The following XYLT2 variants were observed in gnomAD, a reference collection of about 807,000 sequenced individuals.
The protein encoded by XYLT2 is xylosyltransferase 2.
Under a neutral mutation model 82.6 loss-of-function variants are expected in XYLT2, and 37 were observed. The ratio of observed to expected loss-of-function variants is 0.45; its 90% CI spans 0.34 to 0.59. XYLT2 has a LOEUF of 0.59. Among genes scored for constraint, XYLT2 ranks in the 20% least tolerant of loss-of-function variants. XYLT2 has a pLI of 0.01. For missense variants in XYLT2, 934 were observed against 1,181.3 expected (o/e 0.79, Z 3.07); for synonymous variants, 474 against 499.0 (o/e 0.95, Z 0.67).
At chr17:50,354,235 C>T (rs1291606899) in intron 2 of XYLT2, 113 bp downstream of exon 2, 25 of 1,536,768 alleles carry the variant, frequency 1.6e-5, no homozygotes, top group Non-Finnish European at 2.2e-5. Flanking sequence ...TCCTACCTCC[C>T]TGCCTAAGTC....
In XYLT2 at chr17:50,358,536, G is replaced by A. The variant is rs1442976050; in HGVS notation, c.2271G>A (p.Arg757=). The A allele has an allele frequency of 6.2e-7, 1 of 1,611,328 alleles. No individual in the cohort carries two copies. Among genetic ancestry groups the A allele is most frequent in the Non-Finnish European group, 8.5e-7 (1 of 1,177,944 alleles). The change falls in exon 10 of 11, where the codon AGG becomes AGA. Residue 757 remains arginine, a synonymous_variant. Coordinates refer to ENST00000017003, the MANE Select transcript of XYLT2 (RefSeq NM_022167.4). ...PLTFNRKLPL[R]KDDASWLHAG... is the part of the protein sequence containing the mutation. ...CCTTCAACCGCAAACTACCTCTCAGGAAAGGTAAGCGTGCAGTTCTCAAAT... is the reference window on the plus strand; with the variant it reads ...CCTTCAACCGCAAACTACCTCTCAGAAAAGGTAAGCGTGCAGTTCTCAAAT...
intron 9 of XYLT2, chr17:50,357,945 G>A: frequency 4.2e-6 from 2 of 477,050 alleles, no homozygotes; most frequent in Non-Finnish European, 7.5e-6. Context: ...GCAGGACTTT[G>A]AACCTCATCC....
chr17:50,359,905 C>G, intron 10 of XYLT2, 64 bp from the exon 11 acceptor site: 1 of 1,423,340 alleles, frequency 7.0e-7, no homozygotes, highest in Non-Finnish European at 9.5e-7. Flanking sequence ...GACCCAACTC[C>G]TGGGTCTGGC....
Position 50,353,901 on chromosome 17 carries a change from C to T in XYLT2, c.407C>T (p.Ala136Val), listed in dbSNP as rs1239373647. 5.0e-6 allele frequency: 8 copies of T among 1,608,610 alleles called. No homozygotes were observed. In the Admixed American group the frequency reaches 5.0e-5, roughly 10 times the overall value. The change falls in exon 2 of 11, where the codon GCT becomes GTT. Residue 136 changes from alanine to valine, a missense_variant. Ala to Val is a moderately conservative substitution (Grantham distance 64). Transcript: ENST00000017003. ...AAAGEALVGA[A>V]GFPPHGDTGS... ...GCTGGGGAGGCGCTGGTAGGGGCAG[C>T]TGGCTTCCCACCACACGGAGATACA...
rs1021537508 is a variant in XYLT2, at chr17:50,360,666, G to A, written c.*375G>A. 2.3e-5 allele frequency: 23 copies of A among 1,005,700 alleles called. No homozygotes were observed. The Admixed American group carries it at 3.5e-4, about 15-fold the overall frequency. The allele number at this position is 1,005,700 out of a possible 1,614,324, so 62.3% of individuals were successfully genotyped here. A position where few individuals can be genotyped will look rare whatever the true frequency, so the allele number is the denominator to read the frequency against. ...TGCAATAGGGCTCAGAGCAGCCCCA[G>A]GAAGTGGGCCATGTCTGTGGGGAGC... On this transcript the variant is annotated 3_prime_UTR_variant, in exon 11 of 11. Transcript: ENST00000017003.
chr17:50,354,960 T>C lies in XYLT2; in HGVS notation c.911T>C (p.Leu304Pro). ...ACCATCTGGGGCGGGGCCAGCCTCC[T>C]GAGGATGTACCTGCGGAGCATGCGG... ...MVTIWGGASL[L>P]RMYLRSMRDL... Residue 304 changes from leucine to proline, a missense_variant, in exon 4 of 11, where the codon CTG becomes CCG. This residue lies in a region of XYLT2 where 189 missense variants were observed against 320.8 expected (regional missense o/e 0.59). Transcript: ENST00000017003. 6.3e-7 allele frequency: 1 copy of C among 1,587,038 alleles called. No homozygotes were observed. The highest frequency in any genetic ancestry group is 8.6e-7 in the Non-Finnish European group (1 of 1,166,398).
intron 9 of XYLT2, 154 bp downstream of exon 9, chr17:50,357,406 C>A (rs1397318150): frequency 1.1e-5 from 8 of 709,442 alleles, no homozygotes; most frequent in Non-Finnish European, 1.8e-5. Flanking sequence ...TGTCACCCCC[C>A]AGCCTGTGCA....
At position 50,354,438 on chromosome 17, in the gene XYLT2, A is replaced by G. The variant is rs746638330; in HGVS notation, c.659A>G (p.Glu220Gly). The G allele has an allele frequency of 3.1e-6, 5 of 1,610,562 alleles. No individual in the cohort carries two copies. The highest frequency in any genetic ancestry group is 2.7e-5 in the African/African-American group (2 of 74,862). Residue 220 changes from glutamate (E) to glycine (G), a missense_variant, in exon 3 of 11, where the codon GAG becomes GGG. By Grantham distance (98) the Glu-to-Gly change is moderately conservative. Transcript: ENST00000017003. ...GKMSPGIQWD[E>G]SQAQQPMDGP... ...ATGAGCCCCGGCATCCAGTGGGATG[A>G]GAGCCAAGCCCAGCAGCCCATGGAT...
In XYLT2 at chr17:50,360,315, G is replaced by T; in HGVS notation, c.*24G>T. ...AGCAGGGCCCCAGCCAGTACCCGTG[G>T]AGGACCCGGGAAATTGCACCTTACA... is the stretch of plus-strand genomic sequence containing the variant. On this transcript the variant is annotated 3_prime_UTR_variant, in exon 11 of 11. Transcript: ENST00000017003. 6.5e-7 allele frequency: 1 copy of T among 1,546,260 alleles called. No individual in the cohort carries two copies.
In XYLT2 at chr17:50,360,316, A is replaced by G. The variant is rs747027423; in HGVS notation, c.*25A>G. ...GCAGGGCCCCAGCCAGTACCCGTGGAGGACCCGGGAAATTGCACCTTACAG... is the reference window on the plus strand; with the variant it reads ...GCAGGGCCCCAGCCAGTACCCGTGGGGGACCCGGGAAATTGCACCTTACAG... On this transcript the variant is annotated 3_prime_UTR_variant, in exon 11 of 11. Transcript: ENST00000017003. 8.4e-6 allele frequency: 13 copies of G among 1,546,322 alleles called. No individual in the cohort carries two copies. In the South Asian group the frequency reaches 1.6e-4, roughly 19 times the overall value.
chr17:50,346,260 G>C lies in XYLT2; in HGVS notation c.120G>C (p.Glu40Asp). 1.7e-6 allele frequency: 2 copies of C among 1,176,798 alleles called. No individual in the cohort carries two copies. Among genetic ancestry groups the C allele is most frequent in the Non-Finnish European group, 2.1e-6 (2 of 933,348 alleles). 72.9% of individuals were successfully genotyped at this position (1,176,798 alleles called of 1,614,324 possible). A position where few individuals can be genotyped will look rare whatever the true frequency, so the allele number is the denominator to read the frequency against. Residue 40 changes from glutamate to aspartate, a missense_variant, in exon 1 of 11, where the codon GAG (glutamate) becomes GAC (aspartate). Physicochemically the swap from Glu to Asp is conservative, Grantham distance 45. This residue lies in a region of XYLT2 where 371 missense variants were observed against 394.9 expected (regional missense o/e 0.94). Coordinates refer to ENST00000017003, the MANE Select transcript of XYLT2 (RefSeq NM_022167.4). This position sits in a 1 kb window ranked among gnomAD's most constrained non-coding sequence, Gnocchi z 5.1. ...LVVWSFSGLE[E>D]DEAGEKGRQR... ...TGTGGAGCTTCAGCGGCCTGGAGGA[G>C]GACGAGGCGGGCGAGGTGCTCCGAC...
intron 1 of XYLT2, among the ~76,000 whole-genome samples, chr17:50,349,110 TG>T: frequency 6.6e-6 from 1 of 152,304 alleles, no homozygotes; most frequent in East Asian, 1.9e-4. Flanking sequence ...TCCCACATCC[TG>T]GCCCCCACCA....
chr17:50,358,693 C>A lies in XYLT2; in HGVS notation c.2275+153C>A, dbSNP rs77470365. 4.5e-3 allele frequency among the ~76,000 whole-genome samples: 691 copies of A among 152,358 alleles called. 4 individuals are homozygous for A. The highest frequency in any genetic ancestry group is 7.3e-3 in the Non-Finnish European group (497 of 68,030). On this transcript the variant is annotated intron_variant, in intron 10 of 10. Transcript: ENST00000017003. ...GGGGCCTTCATCTTCTTTCCTGTAGCATGCAGGGTCCTGCACTGCAGTGTG... is the reference window on the plus strand; with the variant it reads ...GGGGCCTTCATCTTCTTTCCTGTAGAATGCAGGGTCCTGCACTGCAGTGTG...
Position 50,346,988 on chromosome 17 carries a change from G to A in XYLT2, c.135+713G>A, listed in dbSNP as rs1567802835. On this transcript the variant is annotated intron_variant, in intron 1 of 10. Coordinates refer to ENST00000017003, the MANE Select transcript of XYLT2 (RefSeq NM_022167.4). This position sits in a 1 kb window ranked among gnomAD's most constrained non-coding sequence, Gnocchi z 5.1. The stretch of plus-strand genomic sequence containing the variant: ...TAGGGAGGGGCCCTCTGGCTTTAAG[G>A]GAATGGGGACTGTAACAGAGCCCCA... 1.0e-6 allele frequency: 1 copy of A among 963,574 alleles called. No individual in the cohort carries two copies. The highest frequency in any genetic ancestry group is 4.8e-5 in the South Asian group (1 of 20,870). The allele number at this position is 963,574 out of a possible 1,614,324, so 59.7% of individuals were successfully genotyped here. A position where few individuals can be genotyped will look rare whatever the true frequency, so the allele number is the denominator to read the frequency against.
At chr17:50,355,434 G>T in intron 4 of XYLT2, 67 bp from the exon 5 acceptor site, 3 of 1,542,392 alleles carry the variant, frequency 1.9e-6, no homozygotes, top group Non-Finnish European at 1.8e-6. Context: ...AAGCCAGAAG[G>T]TCCGCTCTGG....
intron 10 of XYLT2, 137 bp downstream of exon 10, chr17:50,358,677 A>C (rs1912663578): frequency 2.2e-6 from 2 of 926,206 alleles, no homozygotes; most frequent in East Asian, 5.3e-5. Context: ...TGGGGCCTTC[A>C]TCTTCTTTCC....
At chr17:50,347,149 G>T (rs932803236) in intron 1 of XYLT2, among the ~76,000 whole-genome samples, 1 of 152,200 alleles carries the variant, frequency 6.6e-6, no homozygotes, top group Non-Finnish European at 1.5e-5. Flanking sequence ...GGTCCATTGG[G>T]TCTGGGTTCG....
At chr17:50,355,439 CT>C (rs1912477787) in intron 4 of XYLT2, 61 bp from the exon 5 acceptor site, 2 of 1,564,198 alleles carry the variant, frequency 1.3e-6, no homozygotes, top group Non-Finnish European at 8.8e-7. Flanking sequence ...AGAAGGTCCG[CT>C]CTGGGCCAGT....
In XYLT2 at chr17:50,358,406, A is replaced by G. The variant is rs1305271591; in HGVS notation, c.2141A>G (p.Tyr714Cys). The change falls in exon 10 of 11, where the codon TAC (tyrosine) becomes TGC (cysteine). Residue 714 changes from tyrosine (Y) to cysteine (C), a missense_variant. Coordinates refer to ENST00000017003, the MANE Select transcript of XYLT2 (RefSeq NM_022167.4). The stretch of plus-strand genomic sequence containing the variant: ...GATACGGAGACTGAGGTCACGCAAT[A>G]CAAGCCCCCACTGAGCCGGCCCCTG... ...TVDTETEVTQ[Y>C]KPPLSRPLRP... The G allele has an allele frequency of 1.9e-6, 3 of 1,613,964 alleles. No homozygotes were observed. In the African/African-American group the frequency reaches 4.0e-5, roughly 22 times the overall value.
Sources: allele counts gnomAD v4.1 joint callset (sites outside exome capture counted in the v4.1 genomes callset), GRCh38; gene constraint gnomAD v4.1.1; regional missense constraint gnomAD v4.1.1; non-coding constraint Gnocchi (gnomAD v3.1); transcripts MANE v1.5; gene names NCBI Gene and HGNC (gene_info 2026-07-23, HGNC 2026-07-21).